NBDY: variants seen among roughly 807,000 people sequenced by gnomAD.
The protein encoded by NBDY is negative regulator of P-body association, also known as P-body dissociating protein.
intron 2 of NBDY, among the ~76,000 whole-genome samples, chrX:56,811,345 T>C (rs2069885407): frequency 8.9e-6 from 1 of 111,967 alleles, no homozygotes; most frequent in Admixed American, 9.4e-5. Flanking sequence ...CTGCTGAAGC[T>C]GCACCCCCAA....
chrX:56,792,055 G>T (rs1401317027), intron 2 of NBDY, among the ~76,000 whole-genome samples: 2 of 108,591 alleles, frequency 1.8e-5, no homozygotes, highest in African/African-American at 6.8e-5. Flanking sequence ...ATTTGGGTGG[G>T]CAAGTGTTCT....
intron 2 of NBDY, among the ~76,000 whole-genome samples, chrX:56,789,097 T>A (rs1198742659): frequency 6.2e-5 from 7 of 112,536 alleles, no homozygotes; most frequent in Non-Finnish European, 1.3e-4. Context: ...GCCTTGTCTT[T>A]CTCCATTTGC....
chrX:56,793,715 C>G (rs2069775900), intron 2 of NBDY, among the ~76,000 whole-genome samples: 1 of 110,833 alleles, frequency 9.0e-6, no homozygotes, highest in African/African-American at 3.3e-5. Context: ...AGAGAGGAAC[C>G]CCTTGCTGGC....
intron 2 of NBDY, among the ~76,000 whole-genome samples, chrX:56,764,129 G>A (rs1202672754): frequency 8.9e-6 from 1 of 112,109 alleles, no homozygotes; most frequent in Non-Finnish European, 1.9e-5. Context: ...GAAAAAAAGG[G>A]CAGGTAGGGG....
chrX:56,807,179 GT>G (rs1228732309), intron 2 of NBDY, among the ~76,000 whole-genome samples: 1 of 111,953 alleles, frequency 8.9e-6, no homozygotes, highest in Non-Finnish European at 1.9e-5. Context: ...TTATATATCT[GT>G]TTTGGTACCA....
intron 2 of NBDY, among the ~76,000 whole-genome samples, chrX:56,805,673 C>A (rs908394726): frequency 3.6e-5 from 4 of 111,990 alleles, no homozygotes; most frequent in African/African-American, 1.3e-4. Context: ...GGGGCTGACT[C>A]TCTTGGCTGA....
chrX:56,743,287 A>G (rs768853494), intron 2 of NBDY, among the ~76,000 whole-genome samples: 20 of 109,824 alleles, frequency 1.8e-4, no homozygotes, highest in Non-Finnish European at 3.6e-4. Context: ...TTTCTGTCTG[A>G]TTTTGGTATC....
At chrX:56,767,857 G>T (rs2069675788) in intron 2 of NBDY, among the ~76,000 whole-genome samples, 1 of 73,866 alleles carries the variant, frequency 1.4e-5, no homozygotes, top group East Asian at 4.3e-4. Flanking sequence ...AAGTACTGGG[G>T]AAAGGCCAGG....
intron 2 of NBDY, among the ~76,000 whole-genome samples, chrX:56,763,306 CT>C (rs2146723525): frequency 8.9e-6 from 1 of 111,988 alleles, no homozygotes; most frequent in South Asian, 3.7e-4. Context: ...CCCAGCACCC[CT>C]GAGCCACCCT....
At chrX:56,730,089 T>C (rs1327424247) in intron 1 of NBDY, among the ~76,000 whole-genome samples, 1 of 108,293 alleles carries the variant, frequency 9.2e-6, no homozygotes, top group African/African-American at 3.4e-5. Context: ...GGCAGGAGAG[T>C]TGAATTTTTT....
intron 2 of NBDY, among the ~76,000 whole-genome samples, chrX:56,793,681 T>C (rs2069775771): frequency 9.0e-6 from 1 of 110,816 alleles, no homozygotes; most frequent in African/African-American, 3.3e-5. Context: ...TGGTGGCGTG[T>C]GGCCCCCAGA....
intron 2 of NBDY, among the ~76,000 whole-genome samples, chrX:56,739,258 ATATATG>A (rs2069517557): frequency 1.2e-5 from 1 of 81,647 alleles, no homozygotes; most frequent in Non-Finnish European, 2.2e-5. Flanking sequence ...ATATATATAT[ATATATG>A]TATGTATATA....
At chrX:56,742,564 T>C (rs1332762636) in intron 2 of NBDY, among the ~76,000 whole-genome samples, 1 of 111,541 alleles carries the variant, frequency 9.0e-6, no homozygotes, top group Non-Finnish European at 1.9e-5. Context: ...TTGAGTTAAT[T>C]GCTAGGTATT....
At position 56,762,446 on chromosome X, in the gene NBDY, G is replaced by T. The variant is rs775461551; in HGVS notation, c.*166+30247G>T. On this transcript the variant is annotated intron_variant, in intron 2 of 2. Coordinates refer to ENST00000374922, the MANE Select transcript of NBDY (RefSeq NM_001348129.2). ...TTGGTAATGGGGGATGTCCCTCTGCGTGCTAGGCAAGGAGAAAGCTTCACT... is the reference window on the plus strand; with the variant it reads ...TTGGTAATGGGGGATGTCCCTCTGCTTGCTAGGCAAGGAGAAAGCTTCACT... Among the ~76,000 whole-genome samples the T allele has an allele frequency of 2.7e-5, 3 of 110,797 alleles. No individual in the cohort carries two copies. The South Asian group carries it at 1.2e-3, about 43-fold the overall frequency.
chrX:56,781,654 G>A (rs937190487), intron 2 of NBDY, among the ~76,000 whole-genome samples: 8 of 110,559 alleles, frequency 7.2e-5, no homozygotes, highest in South Asian at 3.9e-4. Flanking sequence ...TTTACTTTTC[G>A]TCCGCTTCTG....
intron 2 of NBDY, chrX:56,737,194 G>C: frequency 2.8e-6 from 2 of 725,025 alleles, no homozygotes; most frequent in South Asian, 4.2e-5. Context: ...TTTGTTTCAA[G>C]TTTAACCATC....
chrX:56,749,737 G>A (rs969672730), intron 2 of NBDY, among the ~76,000 whole-genome samples: 1 of 106,603 alleles, frequency 9.4e-6, no homozygotes, highest in Non-Finnish European at 1.9e-5. Context: ...CTGCAGCCTC[G>A]ACCTCCCGGG....
chrX:56,732,248 G>A (rs2069463154), intron 2 of NBDY, 49 bp downstream of exon 2: 1 of 291,497 alleles, frequency 3.4e-6, no homozygotes. Context: ...AAAAAAAAGA[G>A]TTGGTTTTGA....
chrX:56,815,947 C>A (rs1214492747), intron 2 of NBDY, among the ~76,000 whole-genome samples: 1 of 111,549 alleles, frequency 9.0e-6, no homozygotes, highest in Non-Finnish European at 1.9e-5. Flanking sequence ...TGTTAATCTT[C>A]TCTTTTATAC....
Sources: gnomAD v4.1 joint callset for allele counts (sites outside exome capture counted in the v4.1 genomes callset) on GRCh38, gnomAD v4.1.1 for gene constraint, MANE v1.5 for transcripts, NCBI Gene and HGNC (gene_info 2026-07-23, HGNC 2026-07-21) for gene names.